GFI1B: variants seen among roughly 807,000 people sequenced by gnomAD.
GFI1B encodes growth factor independent 1B transcriptional repressor.
Under a neutral mutation model 35.3 loss-of-function variants are expected in GFI1B, and 20 were observed. The observed-to-expected ratio is 0.57, with a 90% CI of 0.40 to 0.82. The LOEUF (loss-of-function observed/expected upper bound fraction) is 0.82, where lower values mean the gene tolerates loss of function less well. GFI1B is among the 40% of genes least tolerant of loss of function. The pLI is 0.00. For missense variants in GFI1B, 430 were observed against 446.3 expected, an observed-to-expected ratio of 0.96 and a Z score of 0.33; for synonymous variants, 178 against 177.6, an observed-to-expected ratio of 1.00 and a Z score of -0.02.
intron 1 of GFI1B, chr9:132,953,664 T>C (rs1214244004): frequency 1.3e-5 from 2 of 150,866 alleles, no homozygotes; most frequent in Non-Finnish European, 3.0e-5. Flanking sequence ...AAAAATAAAA[T>C]AGGCCGGGCA....
chr9:132,977,947 C>A (rs1013108034), upstream of GFI1B, among the ~76,000 whole-genome samples: 46 of 152,186 alleles, frequency 3.0e-4, no homozygotes, highest in African/African-American at 1.0e-3. Flanking sequence ...TCTACCCGCT[C>A]AAAGGTCATA....
rs1384514886 is a variant in GFI1B, at chr9:132,987,405, T to G, written c.224T>G (p.Met75Arg). ...ELEQDQNLAR[M>R]APAPEGPIVL... ...GAGCAGGACCAGAACTTGGCCAGGA[T>G]GGCCCCGGCACCAGGTACCCCGCTG... The change falls in exon 3 of 7, where the codon ATG becomes AGG. Residue 75 changes from methionine to arginine, a missense_variant. By Grantham distance (91) the Met-to-Arg change is moderately conservative (BLOSUM62 -1). Coordinates refer to ENST00000372122, the MANE Select transcript of GFI1B (RefSeq NM_001377304.1). 1 of 1,614,234 alleles carries G rather than the reference T, an allele frequency of 6.2e-7. No homozygotes were observed.
At chr9:132,964,743 C>CTTTTTT (rs71376675) in intron 1 of GFI1B, among the ~76,000 whole-genome samples, 1 of 107,938 alleles carries the variant, frequency 9.3e-6, no homozygotes, top group Non-Finnish European at 1.9e-5. Flanking sequence ...ATTTTTCTTC[C>CTTTTTT]TTTTTTTTTT....
intron 1 of GFI1B, among the ~76,000 whole-genome samples, chr9:132,965,786 C>T (rs562602748): frequency 4.9e-4 from 74 of 152,290 alleles, no homozygotes; most frequent in South Asian, 1.0e-3. Context: ...CCTTGATTTC[C>T]GACTTCCAGC....
intron 1 of GFI1B, among the ~76,000 whole-genome samples, chr9:132,961,091 A>G (rs1056231021): frequency 1.3e-5 from 2 of 152,172 alleles, no homozygotes; most frequent in Admixed American, 6.5e-5. Context: ...CTACACCAGA[A>G]TAAACTTTAA....
In GFI1B at chr9:132,991,117, C is replaced by A. The variant is rs936954047; in HGVS notation, c.*67C>A. The stretch of plus-strand genomic sequence containing the variant: ...TCCTGTCACCTGGAGGCCAGCCTCA[C>A]ATGCCCAAATCTCCAGTCTCCTGGA... On this transcript the variant is annotated 3_prime_UTR_variant, in exon 7 of 7. Coordinates refer to ENST00000372122, the MANE Select transcript of GFI1B (RefSeq NM_001377304.1). The A allele has an allele frequency of 7.1e-7, 1 of 1,411,942 alleles. No individual in the cohort carries two copies. The highest frequency in any genetic ancestry group is 9.9e-7 in the Non-Finnish European group (1 of 1,008,396). The allele number at this position is 1,411,942 out of a possible 1,614,324, so 87.5% of individuals were successfully genotyped here.
intron 1 of GFI1B, among the ~76,000 whole-genome samples, chr9:132,984,311 G>A (rs970159702): frequency 1.3e-5 from 2 of 152,094 alleles, no homozygotes; most frequent in East Asian, 1.9e-4. Context: ...CGGGAAGGAA[G>A]GGGGGTGTGG....
intron 6 of GFI1B, among the ~76,000 whole-genome samples, 190 bp from the exon 7 acceptor site, chr9:132,990,682 G>A (rs1486537027): frequency 6.6e-6 from 1 of 152,264 alleles, no homozygotes; most frequent in Non-Finnish European, 1.5e-5. Context: ...AGTAGGGGTG[G>A]AGGAGGGTCC....
At chr9:132,972,920 C>A (rs1163552548) in intron 2 of GFI1B, among the ~76,000 whole-genome samples, 2 of 152,166 alleles carry the variant, frequency 1.3e-5, no homozygotes, top group Non-Finnish European at 2.9e-5. Flanking sequence ...GGAGCCTGGA[C>A]CTGGAAAGAG....
upstream of GFI1B, among the ~76,000 whole-genome samples, chr9:132,974,750 G>A (rs988736172): frequency 6.6e-6 from 1 of 152,114 alleles, no homozygotes; most frequent in Non-Finnish European, 1.5e-5. Context: ...TCTTTCTGCA[G>A]AAGTAACATT....
intron 1 of GFI1B, among the ~76,000 whole-genome samples, chr9:132,950,627 C>T (rs1848187149): frequency 2.5e-5 from 3 of 120,638 alleles, no homozygotes; most frequent in South Asian, 2.5e-4. Flanking sequence ...GGCGTGATCT[C>T]GGCTCACTGC....
chr9:132,973,837 C>G (rs1403373472), upstream of GFI1B, among the ~76,000 whole-genome samples: 1 of 152,172 alleles, frequency 6.6e-6, no homozygotes, highest in Admixed American at 6.5e-5. Context: ...AAACCCACCT[C>G]TTCCTCTACA....
intron 2 of GFI1B, 110 bp from the exon 3 acceptor site, chr9:132,987,172 G>A (rs534392686): frequency 2.0e-5 from 24 of 1,211,342 alleles, no homozygotes; most frequent in African/African-American, 1.6e-4. Context: ...GCAGCGGCAC[G>A]TGGCTGTCTC....
Position 132,989,655 on chromosome 9 carries a change from A to ATGGAG in GFI1B, c.649-84_649-80dup. On this transcript the variant is annotated intron_variant, in intron 5 of 6. Transcript: ENST00000372122. This position sits in a 1 kb window ranked among gnomAD's most constrained non-coding sequence, Gnocchi z 6.2. ...GGTCCTGCTCCTCCAGGCCGCCCCA[A>ATGGAG]TGGAGTGTCCTGTTCCGCAGGGGAT... 9.1e-7 allele frequency: 1 copy of ATGGAG among 1,101,046 alleles called. No homozygotes were observed. The highest frequency in any genetic ancestry group is 1.4e-6 in the Non-Finnish European group (1 of 736,398). The allele number at this position is 1,101,046 out of a possible 1,614,324, so 68.2% of individuals were successfully genotyped here.
chr9:132,975,941 T>G (rs1848621841), upstream of GFI1B, among the ~76,000 whole-genome samples: 1 of 152,164 alleles, frequency 6.6e-6, no homozygotes, highest in Non-Finnish European at 1.5e-5. Context: ...GACTCCTGGC[T>G]TCAACTGCTA....
chr9:132,965,351 C>A (rs748737755), intron 1 of GFI1B, among the ~76,000 whole-genome samples: 1 of 152,146 alleles, frequency 6.6e-6, no homozygotes, highest in South Asian at 2.1e-4. Context: ...AAGATTGATT[C>A]GGAAATGTCA....
intron 3 of GFI1B, 143 bp from the exon 4 acceptor site, chr9:132,988,054 C>G (rs763859201): frequency 8.2e-6 from 6 of 728,804 alleles, no homozygotes; most frequent in East Asian, 2.5e-5. Context: ...CCACGTTGGT[C>G]CGCCTGGTCT....
intron 1 of GFI1B, chr9:132,952,560 C>CCCAAGTA (rs1848216961): frequency 6.6e-5 from 10 of 152,220 alleles, no homozygotes; most frequent in Admixed American, 6.5e-4. Flanking sequence ...CCCGCCTTGG[C>CCCAAGTA]CTCCCAAAGT....
intron 1 of GFI1B, among the ~76,000 whole-genome samples, chr9:132,954,645 C>T (rs545955961): frequency 1.3e-4 from 20 of 151,212 alleles, no homozygotes; most frequent in African/African-American, 4.6e-4. Flanking sequence ...TGGTCTCAAA[C>T]CCCTGGGCTC....
Sources: allele counts gnomAD v4.1 joint callset (sites outside exome capture counted in the v4.1 genomes callset), GRCh38; gene constraint gnomAD v4.1.1; non-coding constraint Gnocchi (gnomAD v3.1); transcripts MANE v1.5; gene names NCBI Gene and HGNC (gene_info 2026-07-23, HGNC 2026-07-21).